The following NLGN1 variants were observed in gnomAD, a reference collection of about 807,000 sequenced individuals.
NLGN1 encodes the protein neuroligin 1, also known as neuroligin-1.
Under a neutral mutation model 65.5 loss-of-function variants are expected in NLGN1, and 12 were observed. The observed-to-expected ratio is 0.18, with a 90% CI of 0.12 to 0.30. The LOEUF (loss-of-function observed/expected upper bound fraction) is 0.30. Ranked by LOEUF, NLGN1 falls within the 10% of genes least tolerant of loss-of-function variation. The pLI is 1.00. For synonymous variants in NLGN1, 350 were observed against 359.5 expected, an observed-to-expected ratio of 0.97 and a Z score of 0.30; for missense variants, 750 against 1,007.1, an observed-to-expected ratio of 0.74 and a Z score of 3.46.
At chr3:174,063,478 T>A (rs1039389782) in intron 4 of NLGN1, among the ~76,000 whole-genome samples, 1 of 152,150 alleles carries the variant, frequency 6.6e-6, no homozygotes, top group Non-Finnish European at 1.5e-5. Context: ...TATTTTCTTA[T>A]TTTTTTAGGT....
chr3:174,034,418 A>G (rs912601905), intron 4 of NLGN1, among the ~76,000 whole-genome samples: 17 of 152,082 alleles, frequency 1.1e-4, no homozygotes, highest in Non-Finnish European at 1.8e-4. Context: ...AAGGGAAAAT[A>G]GAACCTTTTA....
intron 4 of NLGN1, among the ~76,000 whole-genome samples, chr3:174,246,348 A>G (rs1277589999): frequency 6.6e-6 from 1 of 152,192 alleles, no homozygotes; most frequent in Non-Finnish European, 1.5e-5. Context: ...CTTTCTATAC[A>G]CATGCAAGAT....
intron 5 of NLGN1, among the ~76,000 whole-genome samples, chr3:174,277,528 T>G: frequency 6.6e-6 from 1 of 152,044 alleles, no homozygotes; most frequent in South Asian, 2.1e-4. Flanking sequence ...GTTACACAAT[T>G]TTTATTTATT....
At chr3:173,707,146 T>A (rs1675704043) in intron 3 of NLGN1, among the ~76,000 whole-genome samples, 1 of 152,224 alleles carries the variant, frequency 6.6e-6, no homozygotes, top group African/African-American at 2.4e-5. Context: ...GTCTGACCTA[T>A]TTTTTAAATC....
intron 4 of NLGN1, among the ~76,000 whole-genome samples, chr3:173,813,396 T>G (rs1291901296): frequency 2.0e-5 from 3 of 152,226 alleles, no homozygotes; most frequent in African/African-American, 7.2e-5. Context: ...ATTGTAATAT[T>G]CTACAACACA....
intron 3 of NLGN1, among the ~76,000 whole-genome samples, chr3:173,617,724 C>T (rs1276123746): frequency 6.6e-6 from 1 of 152,224 alleles, no homozygotes; most frequent in Non-Finnish European, 1.5e-5. Flanking sequence ...GTGCACGTTA[C>T]TGCCAGCCTT....
intron 2 of NLGN1, among the ~76,000 whole-genome samples, chr3:173,519,333 G>A (rs981894365): frequency 2.6e-5 from 4 of 152,184 alleles, no homozygotes; most frequent in Non-Finnish European, 5.9e-5. Context: ...CTGCCTAAGG[G>A]AGCTGTGATA....
intron 2 of NLGN1, among the ~76,000 whole-genome samples, chr3:173,504,732 C>T (rs1731714411): frequency 6.6e-6 from 1 of 152,072 alleles, no homozygotes; most frequent in Admixed American, 6.6e-5. Context: ...CACCATTCAT[C>T]ATCTTTCAGT....
chr3:174,275,875 A>ACTT (rs1389895669), intron 5 of NLGN1, among the ~76,000 whole-genome samples: 2 of 151,924 alleles, frequency 1.3e-5, no homozygotes, highest in Non-Finnish European at 2.9e-5. Flanking sequence ...CAAAGATGAG[A>ACTT]CTTTTTACAT....
chr3:173,925,642 C>T (rs1300277666), intron 4 of NLGN1, among the ~76,000 whole-genome samples: 1 of 152,150 alleles, frequency 6.6e-6, no homozygotes, highest in Non-Finnish European at 1.5e-5. Context: ...GCTCCCAGAG[C>T]AAAGGCCAGG....
intron 4 of NLGN1, among the ~76,000 whole-genome samples, chr3:174,094,504 A>G (rs1055738587): frequency 6.6e-6 from 1 of 151,768 alleles, no homozygotes; most frequent in Non-Finnish European, 1.5e-5. Context: ...GCTTCACAAG[A>G]TATCTTCAAA....
chr3:174,084,301 A>C (rs534937181), intron 4 of NLGN1, among the ~76,000 whole-genome samples: 18 of 152,328 alleles, frequency 1.2e-4, no homozygotes, highest in South Asian at 6.2e-4. Flanking sequence ...CACTTACATT[A>C]CAACAAAGTC....
intron 3 of NLGN1, among the ~76,000 whole-genome samples, chr3:173,704,543 A>G (rs899764289): frequency 2.6e-5 from 4 of 152,172 alleles, no homozygotes; most frequent in African/African-American, 9.7e-5. Flanking sequence ...AACTGGTGAG[A>G]TCTGATAGAA....
chr3:173,848,928 G>A (rs1388197428), intron 4 of NLGN1, among the ~76,000 whole-genome samples: 1 of 152,096 alleles, frequency 6.6e-6, no homozygotes, highest in African/African-American at 2.4e-5. Context: ...CTCATAAGGT[G>A]TTGCAAAGCA....
At chr3:173,522,937 G>GTTGTTTTTTTTTTTTTTTTTTTTT (rs1553875211) in intron 2 of NLGN1, among the ~76,000 whole-genome samples, 2 of 151,702 alleles carry the variant, frequency 1.3e-5, no homozygotes, top group African/African-American at 2.4e-5. Context: ...CATCTTTGTT[G>GTTGTTTTTTTTTTTTTTTTTTTTT]TTTTTTGACT....
rs150380228 is a variant in NLGN1, at chr3:173,962,130, G to A, written c.646+154298G>A. ...TTGAAAATCAAACACAAGACAAGGAGTATACAACAAAGTGAAATTTGAAAT... is the reference window on the plus strand; with the variant it reads ...TTGAAAATCAAACACAAGACAAGGAATATACAACAAAGTGAAATTTGAAAT... On this transcript the variant is annotated intron_variant, in intron 4 of 6. Transcript: ENST00000457714. Among the ~76,000 whole-genome samples, 875 of 152,204 alleles carry A rather than the reference G, an allele frequency of 5.7e-3. 12 individuals carry two copies. The highest frequency in any genetic ancestry group is 0.051 in the South Asian group (244 of 4,826).
intron 3 of NLGN1, among the ~76,000 whole-genome samples, chr3:173,744,834 T>TA (rs1775135771): frequency 6.7e-6 from 1 of 149,410 alleles, no homozygotes; most frequent in South Asian, 2.1e-4. Flanking sequence ...TTATTTATTT[T>TA]TTTTTTGACA....
intron 4 of NLGN1, among the ~76,000 whole-genome samples, chr3:173,880,899 C>A (rs974231357): frequency 5.9e-5 from 9 of 152,074 alleles, no homozygotes; most frequent in Non-Finnish European, 8.8e-5. Context: ...TCAAAATGTA[C>A]CACAGCTAAG....
chr3:173,499,567 A>G (rs1560344156), intron 2 of NLGN1, among the ~76,000 whole-genome samples: 1 of 151,856 alleles, frequency 6.6e-6, no homozygotes, highest in East Asian at 1.9e-4. Context: ...TGAAGTTTAA[A>G]GTAGTTTTTT....
Sources: gnomAD v4.1 joint callset for allele counts (sites outside exome capture counted in the v4.1 genomes callset) on GRCh38, gnomAD v4.1.1 for gene constraint, MANE v1.5 for transcripts, NCBI Gene and HGNC (gene_info 2026-07-23, HGNC 2026-07-21) for gene names.